The following ACSM3 variants were observed in gnomAD, a reference collection of about 807,000 sequenced individuals.
ACSM3 encodes acyl-CoA synthetase medium chain family member 3, also known as acyl-coenzyme A synthetase ACSM3, mitochondrial.
Under a neutral mutation model 74.1 loss-of-function variants are expected in ACSM3, and 61 were observed. The observed-to-expected ratio is 0.82, with a 90% CI of 0.67 to 1.02. ACSM3 has a LOEUF of 1.02. ACSM3 is among the 50% of genes least tolerant of loss of function. ACSM3 has a pLI of 0.00. For missense variants in ACSM3, 660 were observed against 697.0 expected (o/e 0.95, Z 0.60); for synonymous variants, 213 against 241.5 (o/e 0.88, Z 1.09).
Position 20,796,999 on chromosome 16 carries a change from T to TA in ACSM3, c.*31dup, listed in dbSNP as rs753125106. 8.1e-6 allele frequency: 13 copies of TA among 1,606,218 alleles called. No individual in the cohort carries two copies. The highest frequency in any genetic ancestry group is 8.5e-6 in the Non-Finnish European group (10 of 1,177,436). ...GTTGTTTCATTAATTACCATATCTA[T>TA]AAAACAAACATAGTATCTGTCAATC... On this transcript the variant is annotated 3_prime_UTR_variant, in exon 14 of 14. Transcript: ENST00000289416.
At chr16:20,705,068 C>T (rs1333209996) in intron 1 of ACSM3, among the ~76,000 whole-genome samples, 1 of 152,102 alleles carries the variant, frequency 6.6e-6, no homozygotes, top group Non-Finnish European at 1.5e-5. Flanking sequence ...AAGCCCTGGA[C>T]AAAATATAAA....
intron 1 of ACSM3, among the ~76,000 whole-genome samples, chr16:20,716,826 C>T (rs946177538): frequency 6.6e-6 from 1 of 152,104 alleles, no homozygotes; most frequent in East Asian, 1.9e-4. Flanking sequence ...TTGACTCCGC[C>T]GGACTTCGTA....
intron 1 of ACSM3, among the ~76,000 whole-genome samples, chr16:20,725,618 C>A (rs1222812350): frequency 6.6e-6 from 1 of 152,106 alleles, no homozygotes; most frequent in Non-Finnish European, 1.5e-5. Flanking sequence ...GGATATTGAG[C>A]AGCATCCCAA....
chr16:20,742,813 ATTTTT>A (rs372677216), intron 1 of ACSM3, among the ~76,000 whole-genome samples: 3 of 66,820 alleles, frequency 4.5e-5, no homozygotes, highest in African/African-American at 1.3e-4. Context: ...ATATATATAT[ATTTTT>A]TTTTTTTCCC....
chr16:20,699,888 C>T (rs2079708555), intron 1 of ACSM3, among the ~76,000 whole-genome samples: 1 of 152,184 alleles, frequency 6.6e-6, no homozygotes, highest in African/African-American at 2.4e-5. Flanking sequence ...TCCAAACATT[C>T]TATGTGTGCT....
intron 1 of ACSM3, among the ~76,000 whole-genome samples, chr16:20,765,893 A>G (rs757333550): frequency 6.6e-6 from 1 of 152,120 alleles, no homozygotes; most frequent in Non-Finnish European, 1.5e-5. Flanking sequence ...CTTTTCTCCC[A>G]TTACTCTCTT....
At chr16:20,771,909 T>A (rs1305567934) in intron 2 of ACSM3, among the ~76,000 whole-genome samples, 1 of 152,236 alleles carries the variant, frequency 6.6e-6, no homozygotes, top group Non-Finnish European at 1.5e-5. Context: ...TTATCTTTTG[T>A]CTTTTTGACA....
intron 1 of ACSM3, chr16:20,725,278 G>C (rs1469891220): frequency 5.7e-6 from 1 of 174,412 alleles, no homozygotes; most frequent in Non-Finnish European, 1.3e-5. Flanking sequence ...GTTAATGGAA[G>C]GGAATGACAG....
intron 1 of ACSM3, chr16:20,737,636 A>G: frequency 6.7e-7 from 1 of 1,486,144 alleles, no homozygotes; most frequent in African/African-American, 1.4e-5. Flanking sequence ...TAAATCTTTA[A>G]AAAGAAAAAA....
chr16:20,683,715 CTCTTTCTTTCTT>C (rs55684501), intron 1 of ACSM3, among the ~76,000 whole-genome samples: 1 of 136,384 alleles, frequency 7.3e-6, no homozygotes, highest in South Asian at 2.4e-4. Flanking sequence ...CTCTCTCTCT[CTCTTTCTTTCTT>C]TCTTTCTTTC....
intron 3 of ACSM3, chr16:20,755,668 G>T (rs1477375653): frequency 7.7e-6 from 1 of 130,618 alleles, no homozygotes; most frequent in Non-Finnish European, 1.7e-5. Context: ...AAGTTTTAGG[G>T]TACATGTGCA....
chr16:20,780,730 C>T lies in ACSM3; in HGVS notation c.655C>T (p.His219Tyr). 6.2e-7 allele frequency: 1 copy of T among 1,614,192 alleles called. No homozygotes were observed. The highest frequency in any genetic ancestry group is 8.5e-7 in the Non-Finnish European group (1 of 1,180,022). ...KELMKHASDS[H>Y]TCVKTKHNEI... ...CCTTTGCAGACATGCCAGTGACAGCCACACCTGTGTGAAGACAAAACACAA... is the reference window on the plus strand; with the variant it reads ...CCTTTGCAGACATGCCAGTGACAGCTACACCTGTGTGAAGACAAAACACAA... Residue 219 changes from histidine to tyrosine, a missense_variant, in exon 5 of 14, where the codon CAC becomes TAC. Transcript: ENST00000289416.
Position 20,792,333 on chromosome 16 carries a change from G to C in ACSM3, c.1552G>C (p.Glu518Gln). The C allele has an allele frequency of 6.2e-7, 1 of 1,613,978 alleles. No homozygotes were observed. Among genetic ancestry groups the C allele is most frequent in the Non-Finnish European group, 8.5e-7 (1 of 1,179,860 alleles). Residue 518 changes from glutamate to glutamine, a missense_variant and splice_region_variant, in exon 12 of 14, where the codon GAG (glutamate) becomes CAG (glutamine). Transcript: ENST00000289416. The stretch of plus-strand genomic sequence containing the variant: ...CAGCAGCCCAGACCCCATCAGAGGA[G>C]AGGTAAAAGAACTGATTCATGTCAA... The part of the protein sequence containing the change: ...VVSSPDPIRG[E>Q]VVKAFVVLNP...
At chr16:20,703,312 T>C (rs1364623621) in intron 1 of ACSM3, 1 of 152,212 alleles carries the variant, frequency 6.6e-6, no homozygotes. Context: ...TTTTGTTCCA[T>C]ATGAAATTTA....
intron 1 of ACSM3, among the ~76,000 whole-genome samples, chr16:20,689,101 TGTG>T (rs1567313696): frequency 6.6e-6 from 1 of 150,768 alleles, no homozygotes; most frequent in Non-Finnish European, 1.5e-5. Context: ...TAACATAAAG[TGTG>T]GGGAGGGGCT....
chr16:20,743,049 T>C (rs2079942332), intron 1 of ACSM3, among the ~76,000 whole-genome samples: 2 of 150,706 alleles, frequency 1.3e-5, no homozygotes, highest in Admixed American at 1.3e-4. Context: ...CACCCCATTC[T>C]CCTGCCTCCC....
intron 1 of ACSM3, among the ~76,000 whole-genome samples, chr16:20,675,359 C>T (rs956035340): frequency 1.3e-5 from 2 of 151,974 alleles, no homozygotes; most frequent in African/African-American, 4.8e-5. Flanking sequence ...TGCTCCCAGG[C>T]GAGTGTGGGG....
chr16:20,789,688 T>TC (rs1177620761), intron 9 of ACSM3: 20 of 531,914 alleles, frequency 3.8e-5, no homozygotes, highest in East Asian at 2.3e-4. Context: ...ATTTTTCTTT[T>TC]TTTTTTTTTT....
chr16:20,769,740 C>T (rs1385217368), intron 1 of ACSM3, among the ~76,000 whole-genome samples: 1 of 152,138 alleles, frequency 6.6e-6, no homozygotes, highest in East Asian at 1.9e-4. Flanking sequence ...GCCAATGCCT[C>T]TTACTAGTCA....
Sources: gnomAD v4.1 joint callset for allele counts (sites outside exome capture counted in the v4.1 genomes callset) on GRCh38, gnomAD v4.1.1 for gene constraint, MANE v1.5 for transcripts, NCBI Gene and HGNC (gene_info 2026-07-23, HGNC 2026-07-21) for gene names.